The following DHDDS variants were observed in gnomAD, a reference collection of about 807,000 sequenced individuals.
The protein encoded by DHDDS is dehydrodolichyl diphosphate synthase complex subunit DHDDS.
Under a neutral mutation model 46.2 loss-of-function variants are expected in DHDDS, and 16 were observed. The observed-to-expected ratio is 0.35, with a 90% CI of 0.23 to 0.53. The LOEUF is 0.53. DHDDS is among the 20% of genes least tolerant of loss of function. The pLI, the probability that DHDDS is intolerant of heterozygous loss-of-function variation, is 0.94. For missense variants in DHDDS, 340 were observed against 423.7 expected (o/e 0.80, Z 1.73); for synonymous variants, 151 against 163.1 (o/e 0.93, Z 0.56).
chr1:26,449,408 A>G (rs1015301092), intron 6 of DHDDS, among the ~76,000 whole-genome samples: 2 of 151,352 alleles, frequency 1.3e-5, no homozygotes, highest in Non-Finnish European at 2.9e-5. Flanking sequence ...GCCCATTTTT[A>G]TTTTTATTTT....
chr1:26,460,259 G>A (rs1256158789), intron 8 of DHDDS, 115 bp downstream of exon 8: 1 of 854,678 alleles, frequency 1.2e-6, no homozygotes, highest in East Asian at 2.5e-5. Flanking sequence ...TGATAATGAT[G>A]ATAGTAGCTA....
intron 6 of DHDDS, among the ~76,000 whole-genome samples, chr1:26,451,872 C>T (rs2124457987): frequency 6.6e-6 from 1 of 151,902 alleles, no homozygotes; most frequent in East Asian, 1.9e-4. Context: ...TCGTGATCTG[C>T]CTGCCTCGGC....
In DHDDS at chr1:26,446,420, A is replaced by G. The variant is rs752088432; in HGVS notation, c.428A>G (p.Lys143Arg). ...ATTGCACAAGCTGTACAGGCCACGA[A>G]GAACTACAACAAGTAAGTTCTCAGA... ...ELIAQAVQAT[K>R]NYNKCFLNVC... The change falls in exon 5 of 9, where the codon AAG becomes AGG. Residue 143 changes from lysine to arginine, a missense_variant. Lys to Arg is a conservative substitution (Grantham distance 26). This residue lies in a region of DHDDS where 268 missense variants were observed against 300.3 expected (regional missense o/e 0.89). Coordinates refer to ENST00000236342, the MANE Select transcript of DHDDS (RefSeq NM_205861.3). 1.2e-6 allele frequency: 2 copies of G among 1,613,790 alleles called. No individual in the cohort carries two copies. The highest frequency in any genetic ancestry group is 4.5e-5 in the East Asian group (2 of 44,876).
chr1:26,456,023 G>GTT (rs2075367229), intron 6 of DHDDS, among the ~76,000 whole-genome samples: 1 of 152,180 alleles, frequency 6.6e-6, no homozygotes, highest in Non-Finnish European at 1.5e-5. Flanking sequence ...GGACAGGATA[G>GTT]TTTTACTTAA....
chr1:26,458,649 A>G (rs1188469505), intron 7 of DHDDS, among the ~76,000 whole-genome samples: 2 of 151,722 alleles, frequency 1.3e-5, no homozygotes, highest in African/African-American at 4.8e-5. Flanking sequence ...GAGGTGGGAG[A>G]ATCACTTGAA....
intron 8 of DHDDS, among the ~76,000 whole-genome samples, chr1:26,462,522 C>T (rs2075434430): frequency 6.6e-6 from 1 of 152,100 alleles, no homozygotes; most frequent in African/African-American, 2.4e-5. Context: ...AGTATCTCTC[C>T]TCTTCCATAG....
Position 26,442,827 on chromosome 1 carries a change from C to A in DHDDS, c.277C>A (p.Leu93Ile). Reference protein sequence around the residue: ...FKRSKSEVDGLMDLARQKFSR... With the variant: ...FKRSKSEVDGIMDLARQKFSR... ...ACGCTCCAAGAGTGAGGTAGACGGG[C>A]TTATGGATCTGGCCCGGCAGAAGTT... is the stretch of plus-strand genomic sequence containing the variant. The change falls in exon 4 of 9, where the codon CTT becomes ATT. Residue 93 changes from leucine to isoleucine, a missense_variant. By Grantham distance (5) the Leu-to-Ile change is conservative (BLOSUM62 2). Around this residue, in one of 2 missense-constraint regions of DHDDS, gnomAD observed 72 missense variants for 123.5 expected, o/e 0.58. Coordinates refer to ENST00000236342, the MANE Select transcript of DHDDS (RefSeq NM_205861.3). 1 of 1,614,132 alleles carries A rather than the reference C, an allele frequency of 6.2e-7. No homozygotes were observed. The highest frequency in any genetic ancestry group is 8.5e-7 in the Non-Finnish European group (1 of 1,180,036).
At chr1:26,462,264 T>A (rs1477246497) in intron 8 of DHDDS, among the ~76,000 whole-genome samples, 1 of 151,842 alleles carries the variant, frequency 6.6e-6, no homozygotes, top group African/African-American at 2.4e-5. Context: ...CAAGTGATCC[T>A]CCTGCTTCGG....
chr1:26,464,305 C>CT (rs966120146), intron 8 of DHDDS, among the ~76,000 whole-genome samples: 47 of 152,220 alleles, frequency 3.1e-4, no homozygotes, highest in African/African-American at 1.1e-3. Flanking sequence ...TATTTGCAAA[C>CT]TTTTATTGAG....
At chr1:26,462,755 G>A (rs1267073392) in intron 8 of DHDDS, 1 of 152,196 alleles carries the variant, frequency 6.6e-6, no homozygotes, top group African/African-American at 2.4e-5. Context: ...GTTAACTCAA[G>A]TTTCATTCAT....
At chr1:26,465,094 G>A (rs1570365772) in intron 8 of DHDDS, among the ~76,000 whole-genome samples, 1 of 152,210 alleles carries the variant, frequency 6.6e-6, no homozygotes, top group South Asian at 2.1e-4. Context: ...GGGAGGGGGT[G>A]TGCGGCAGTG....
intron 6 of DHDDS, among the ~76,000 whole-genome samples, chr1:26,451,488 C>T (rs2075320055): frequency 6.6e-6 from 1 of 151,232 alleles, no homozygotes; most frequent in Non-Finnish European, 1.5e-5. Flanking sequence ...TGGAGTCTTG[C>T]TCTGTTGCCC....
intron 8 of DHDDS, chr1:26,466,982 G>C (rs529523250): frequency 5.2e-6 from 1 of 191,356 alleles, no homozygotes; most frequent in East Asian, 1.3e-4. Context: ...AGGCTCTTCG[G>C]TTCCATGCAT....
intron 8 of DHDDS, chr1:26,463,388 C>A (rs780304335): frequency 1.3e-5 from 2 of 152,206 alleles, no homozygotes; most frequent in Non-Finnish European, 2.9e-5. Context: ...GAACACAGTT[C>A]TCTGCTATTC....
rs567665048 is a variant in DHDDS, at chr1:26,469,595, T to C, written c.*464T>C. ...TAAATAACTAATAGGCAGGCAGTTATTTGGGTAAGGAAAAAAGGGGTGGGA... is the reference window on the plus strand; with the variant it reads ...TAAATAACTAATAGGCAGGCAGTTACTTGGGTAAGGAAAAAAGGGGTGGGA... On this transcript the variant is annotated 3_prime_UTR_variant, in exon 9 of 9. Coordinates refer to ENST00000236342, the MANE Select transcript of DHDDS (RefSeq NM_205861.3). 52 of 235,892 alleles carry C rather than the reference T, an allele frequency of 2.2e-4. No individual in the cohort carries two copies. Among genetic ancestry groups the C allele is most frequent in the Non-Finnish European group, 3.8e-4 (44 of 115,810 alleles). The allele number at this position is 235,892 out of a possible 1,614,324, so 14.6% of individuals were successfully genotyped here.
intron 2 of DHDDS, among the ~76,000 whole-genome samples, chr1:26,433,575 G>A (rs746540903): frequency 6.6e-6 from 1 of 151,542 alleles, no homozygotes; most frequent in Non-Finnish European, 1.5e-5. Context: ...CTTGAGCCCA[G>A]GTCAAAGCTG....
intron 6 of DHDDS, among the ~76,000 whole-genome samples, chr1:26,456,608 G>T (rs2075372444): frequency 6.6e-6 from 1 of 152,130 alleles, no homozygotes; most frequent in Admixed American, 6.5e-5. Flanking sequence ...GGCCAGGCTG[G>T]TCTCAAACTC....
chr1:26,462,152 T>G (rs1337374508), intron 8 of DHDDS, among the ~76,000 whole-genome samples: 1 of 151,500 alleles, frequency 6.6e-6, no homozygotes, highest in African/African-American at 2.4e-5. Context: ...CCCAAGTAGC[T>G]AGGACTATGG....
chr1:26,453,463 G>C (rs2075340732), intron 6 of DHDDS, among the ~76,000 whole-genome samples: 1 of 152,098 alleles, frequency 6.6e-6, no homozygotes, highest in Non-Finnish European at 1.5e-5. Context: ...TTTTTTAAAT[G>C]TAAACTGTTC....
Sources: gnomAD v4.1 joint callset for allele counts (sites outside exome capture counted in the v4.1 genomes callset) on GRCh38, gnomAD v4.1.1 for gene constraint, gnomAD v4.1.1 regional missense constraint, MANE v1.5 for transcripts, NCBI Gene and HGNC (gene_info 2026-07-23, HGNC 2026-07-21) for gene names.